The following TSPAN5 variants were observed in gnomAD, a reference collection of about 807,000 sequenced individuals.
The protein encoded by TSPAN5 is tetraspanin-5.
Under a neutral mutation model 37.1 loss-of-function variants are expected in TSPAN5, and 10 were observed. The ratio of observed to expected loss-of-function variants is 0.27; its 90% confidence interval spans 0.17 to 0.46. The LOEUF (loss-of-function observed/expected upper bound fraction) is 0.46, where lower values mean the gene tolerates loss of function less well. Ranked by LOEUF, TSPAN5 falls within the 20% of genes least tolerant of loss-of-function variation. TSPAN5 has a pLI of 1.00. For synonymous variants in TSPAN5, 110 were observed against 118.9 expected, an observed-to-expected ratio of 0.93 and a Z score of 0.48; for missense variants, 195 against 326.6, an observed-to-expected ratio of 0.60 and a Z score of 3.11.
intron 7 of TSPAN5, among the ~76,000 whole-genome samples, chr4:98,475,847 G>A (rs1011480975): frequency 5.9e-5 from 9 of 151,864 alleles, no homozygotes; most frequent in African/African-American, 1.2e-4. Context: ...AAAATTAGCC[G>A]GGCGTAGTGG....
chr4:98,573,325 T>C (rs964436665), intron 1 of TSPAN5, among the ~76,000 whole-genome samples: 21 of 152,206 alleles, frequency 1.4e-4, no homozygotes, highest in African/African-American at 5.1e-4. Flanking sequence ...GAGAAAAACA[T>C]ACAAGCAAAT....
At chr4:98,479,529 C>T (rs372462733) in intron 4 of TSPAN5, among the ~76,000 whole-genome samples, 1 of 152,138 alleles carries the variant, frequency 6.6e-6, no homozygotes, top group African/African-American at 2.4e-5. Context: ...ATGTTCATAG[C>T]TCTGGGAATA....
chr4:98,531,691 A>G (rs1754094056), intron 1 of TSPAN5, among the ~76,000 whole-genome samples: 2 of 152,196 alleles, frequency 1.3e-5, no homozygotes, highest in African/African-American at 4.8e-5. Context: ...ACAGTGTAAA[A>G]GCATTCCTGT....
chr4:98,530,854 G>T (rs1578970932), intron 1 of TSPAN5, among the ~76,000 whole-genome samples: 1 of 152,062 alleles, frequency 6.6e-6, no homozygotes, highest in Non-Finnish European at 1.5e-5. Context: ...CCATCCTCCT[G>T]CTTCATCCTC....
rs1369397207 is a variant in TSPAN5 at position 98,486,818 on chromosome 4, C to T, written c.199G>A (p.Val67Met). 2 of 1,614,050 alleles carry T rather than the reference C, an allele frequency of 1.2e-6. No individual in the cohort carries two copies. The highest frequency in any genetic ancestry group is 1.7e-6 in the Non-Finnish European group (2 of 1,180,010). Reference protein sequence around the residue: ...GGFDPVWLFLVVGGVMFILGF... With the variant: ...GGFDPVWLFLMVGGVMFILGF... ...AAAATGAACATCACTCCTCCCACCACAAGGAAGAGCCAAACTGGGTCAAAG... is the reference window on the plus strand; with the variant it reads ...AAAATGAACATCACTCCTCCCACCATAAGGAAGAGCCAAACTGGGTCAAAG... The change falls in exon 3 of 8, where the codon GTG (valine) becomes ATG (methionine). Residue 67 changes from valine (V) to methionine (M), a missense_variant. Coordinates refer to ENST00000305798, the MANE Select transcript of TSPAN5 (RefSeq NM_005723.4).
At chr4:98,508,750 A>C (rs6842400) in intron 1 of TSPAN5, among the ~76,000 whole-genome samples, 150,025 of 152,116 alleles carry the variant, frequency 0.99, 73,996 homozygotes, top group East Asian at 1. Context: ...GTCTCACACT[A>C]CTGGGCTCAA....
chr4:98,520,411 G>C (rs959690163), intron 1 of TSPAN5, among the ~76,000 whole-genome samples: 1 of 152,242 alleles, frequency 6.6e-6, no homozygotes, highest in East Asian at 1.9e-4. Flanking sequence ...TAGGTAAGAT[G>C]AGTTGGGAGG....
chr4:98,577,717 A>G (rs1755271482), intron 1 of TSPAN5, among the ~76,000 whole-genome samples: 1 of 152,222 alleles, frequency 6.6e-6, no homozygotes. Context: ...CTGGCTCCAG[A>G]GCCTGACTCT....
At chr4:98,534,330 G>T (rs546370298) in intron 1 of TSPAN5, among the ~76,000 whole-genome samples, 1 of 152,320 alleles carries the variant, frequency 6.6e-6, no homozygotes, top group East Asian at 1.9e-4. Flanking sequence ...GTGGTTTTCA[G>T]TGAGTTTCTT....
In TSPAN5 at chr4:98,626,594, C is replaced by G. The variant is rs1161631621; in HGVS notation, c.81+31552G>C. Among the ~76,000 whole-genome samples, 3 of 152,032 alleles carry G rather than the reference C, an allele frequency of 2.0e-5. 1 individual carries two copies. Among genetic ancestry groups the G allele is most frequent in the African/African-American group, 7.2e-5 (3 of 41,402 alleles). On this transcript the variant is annotated intron_variant, in intron 1 of 7. Coordinates refer to ENST00000305798, the MANE Select transcript of TSPAN5 (RefSeq NM_005723.4). ...CCGCCTCCTCCTCACCCCTGGCCCA[C>G]CTGGTGCAGCAGAACCTTCACCCCT...
intron 1 of TSPAN5, among the ~76,000 whole-genome samples, chr4:98,640,647 C>A (rs898902540): frequency 1.3e-5 from 2 of 152,150 alleles, no homozygotes; most frequent in Non-Finnish European, 2.9e-5. Context: ...CCCTCAGATC[C>A]AGTTGCCAAA....
chr4:98,657,552 C>G (rs755433953), intron 1 of TSPAN5: 1 of 158,282 alleles, frequency 6.3e-6, no homozygotes, highest in Non-Finnish European at 1.4e-5. Context: ...GGAGCGCTTT[C>G]CAGCTGAAGA....
intron 1 of TSPAN5, among the ~76,000 whole-genome samples, chr4:98,516,744 G>T (rs1753739816): frequency 6.6e-6 from 1 of 152,182 alleles, no homozygotes; most frequent in African/African-American, 2.4e-5. Flanking sequence ...CTGAACACTT[G>T]TATTAACAGT....
At chr4:98,579,512 CCAAAGG>C (rs78820398) in intron 1 of TSPAN5, among the ~76,000 whole-genome samples, 14,370 of 152,108 alleles carry the variant, frequency 0.094, 776 homozygotes, top group South Asian at 0.22. Flanking sequence ...GAGTGTTTAA[CCAAAGG>C]ACAGGGCTCT....
chr4:98,489,267 G>T (rs144416063), intron 2 of TSPAN5, among the ~76,000 whole-genome samples: 3 of 152,154 alleles, frequency 2.0e-5, no homozygotes, highest in African/African-American at 7.2e-5. Flanking sequence ...AAAGGTGACC[G>T]CACCCACTTT....
intron 1 of TSPAN5, among the ~76,000 whole-genome samples, chr4:98,612,828 C>G (rs542323421): frequency 6.0e-4 from 91 of 152,348 alleles, no homozygotes; most frequent in African/African-American, 2.1e-3. Flanking sequence ...CCTCCCTCCC[C>G]CCACAGGGCT....
intron 1 of TSPAN5, among the ~76,000 whole-genome samples, chr4:98,551,584 C>T (rs1415298064): frequency 6.6e-6 from 1 of 150,624 alleles, no homozygotes; most frequent in Non-Finnish European, 1.5e-5. Context: ...CTCCGCCTCC[C>T]GGGTTCAAGG....
rs953421334 is a variant in TSPAN5, at chr4:98,569,328, G to A, written c.82-61600C>T. Among the ~76,000 whole-genome samples, 15 of 152,208 alleles carry A rather than the reference G, an allele frequency of 9.9e-5. 1 individual carries two copies. The highest frequency in any genetic ancestry group is 1.9e-4 in the Non-Finnish European group (13 of 68,050). On this transcript the variant is annotated intron_variant, in intron 1 of 7. Transcript: ENST00000305798. The stretch of plus-strand genomic sequence containing the variant: ...TCCACTTCCTGAACTGGGATAACAC[G>A]ATGGAGAGATTAGCTCTGGCTAGGC...
chr4:98,646,637 C>T (rs953652845), intron 1 of TSPAN5, among the ~76,000 whole-genome samples: 5 of 152,106 alleles, frequency 3.3e-5, no homozygotes, highest in African/African-American at 4.8e-5. Flanking sequence ...CTGGTATCCA[C>T]GATAAGAACT....
Sources: allele counts gnomAD v4.1 joint callset (sites outside exome capture counted in the v4.1 genomes callset), GRCh38; gene constraint gnomAD v4.1.1; transcripts MANE v1.5; gene names NCBI Gene and HGNC (gene_info 2026-07-23, HGNC 2026-07-21).